Variants in CHST9 observed in about 807,000 individuals in gnomAD.
CHST9 encodes the protein carbohydrate sulfotransferase 9.
CHST9 carries 41 observed loss-of-function variants against 44.4 expected under a neutral mutation model. That is an observed-to-expected ratio of 0.92 (90% CI 0.72 to 1.20). CHST9 has a LOEUF of 1.20. Ranked by LOEUF, CHST9 falls within the 50% of genes most tolerant of loss-of-function variation. The pLI is 0.00. For synonymous variants in CHST9, 171 were observed against 178.4 expected (o/e 0.96, Z 0.33); for missense variants, 504 against 516.5 (o/e 0.98, Z 0.23).
At chr18:27,184,869 C>T (rs1051897698) in intron 1 of CHST9, among the ~76,000 whole-genome samples, 1 of 152,198 alleles carries the variant, frequency 6.6e-6, no homozygotes, top group African/African-American at 2.4e-5. Flanking sequence ...CCAGCGCCCC[C>T]TCAAAGTCAG....
In CHST9 at chr18:27,025,045, A is replaced by G. The variant is rs559627832; in HGVS notation, c.161-888T>C. Among the ~76,000 whole-genome samples the G allele has an allele frequency of 3.4e-5, 5 of 147,964 alleles. No individual in the cohort carries two copies. In the East Asian group the frequency reaches 9.7e-4, roughly 29 times the overall value. On this transcript the variant is annotated intron_variant, in intron 3 of 5. Coordinates refer to ENST00000618847, the MANE Select transcript of CHST9 (RefSeq NM_031422.6). ...TACATGGTTCCATTTCTTTCCTTTA[A>G]AACATTATATATATATATGTATATA...
intron 1 of CHST9, among the ~76,000 whole-genome samples, chr18:27,173,807 T>A (rs2058849423): frequency 6.6e-6 from 1 of 152,012 alleles, no homozygotes; most frequent in Admixed American, 6.6e-5. Context: ...TCATAGGATA[T>A]TTTTTCTAAT....
At chr18:27,155,999 T>C (rs1266955164) in intron 1 of CHST9, among the ~76,000 whole-genome samples, 1 of 151,974 alleles carries the variant, frequency 6.6e-6, no homozygotes, top group Non-Finnish European at 1.5e-5. Flanking sequence ...GAAAAGATCA[T>C]GAAGTAGGAA....
intron 2 of CHST9, among the ~76,000 whole-genome samples, chr18:27,068,872 G>C (rs2057810056): frequency 6.6e-6 from 1 of 152,188 alleles, no homozygotes; most frequent in African/African-American, 2.4e-5. Context: ...CGTGATGTAA[G>C]AATGGAATCA....
intron 1 of CHST9, among the ~76,000 whole-genome samples, chr18:27,164,518 G>C (rs1469997655): frequency 6.6e-6 from 1 of 152,040 alleles, no homozygotes; most frequent in African/African-American, 2.4e-5. Context: ...CAGACAGTTA[G>C]AAGTGAGAAA....
At chr18:26,922,237 C>T (rs906597087) in intron 5 of CHST9, among the ~76,000 whole-genome samples, 9 of 152,088 alleles carry the variant, frequency 5.9e-5, no homozygotes, top group Non-Finnish European at 1.3e-4. Context: ...CTCATGGTCT[C>T]CTCCTTTCTT....
At chr18:26,953,206 CAG>C (rs1436708064) in intron 4 of CHST9, among the ~76,000 whole-genome samples, 1 of 152,058 alleles carries the variant, frequency 6.6e-6, no homozygotes, top group African/African-American at 2.4e-5. Flanking sequence ...AAAATAAGTT[CAG>C]AGATAGGACC....
intron 2 of CHST9, among the ~76,000 whole-genome samples, chr18:27,053,139 A>AGAAGAG (rs2057591586): frequency 8.9e-6 from 1 of 112,136 alleles, no homozygotes; most frequent in African/African-American, 3.7e-5. Flanking sequence ...AGGAAGAAGA[A>AGAAGAG]GAAGAAGAAG....
intron 4 of CHST9, among the ~76,000 whole-genome samples, chr18:27,015,434 T>C (rs1457275207): frequency 6.6e-6 from 1 of 151,154 alleles, no homozygotes; most frequent in Non-Finnish European, 1.5e-5. Flanking sequence ...GCCTGGCCAG[T>C]GTAGGGCGTG....
intron 4 of CHST9, among the ~76,000 whole-genome samples, chr18:27,011,512 T>C (rs2057084750): frequency 6.6e-6 from 1 of 152,100 alleles, no homozygotes; most frequent in Non-Finnish European, 1.5e-5. Context: ...GTAAATCACT[T>C]GTTGAGGGGC....
intron 1 of CHST9, among the ~76,000 whole-genome samples, chr18:27,155,170 A>ATTTT (rs2058689730): frequency 6.6e-6 from 1 of 151,920 alleles, no homozygotes; most frequent in Non-Finnish European, 1.5e-5. Flanking sequence ...CTACCATAAA[A>ATTTT]GGCTGCTGCA....
chr18:26,991,454 A>G (rs1186069901), intron 4 of CHST9, among the ~76,000 whole-genome samples: 2 of 152,198 alleles, frequency 1.3e-5, no homozygotes, highest in Non-Finnish European at 2.9e-5. Context: ...TGCTTCTTAG[A>G]CTTTTAATGA....
intron 2 of CHST9, among the ~76,000 whole-genome samples, chr18:27,126,728 A>G (rs765039521): frequency 2.0e-5 from 3 of 152,092 alleles, no homozygotes; most frequent in Non-Finnish European, 2.9e-5. Context: ...GAAGAGCTTC[A>G]AGCAGGAGGA....
At chr18:27,097,572 AG>A (rs1367287905) in intron 2 of CHST9, among the ~76,000 whole-genome samples, 1 of 152,048 alleles carries the variant, frequency 6.6e-6, no homozygotes, top group Non-Finnish European at 1.5e-5. Flanking sequence ...TCAATATAAA[AG>A]TTCTTTAGTT....
intron 2 of CHST9, among the ~76,000 whole-genome samples, chr18:27,132,830 A>G (rs2058483339): frequency 6.6e-6 from 1 of 152,208 alleles, no homozygotes; most frequent in Admixed American, 6.5e-5. Context: ...AAGGGACCCC[A>G]ACATTTGCTG....
intron 2 of CHST9, among the ~76,000 whole-genome samples, chr18:27,068,010 T>C (rs1312492272): frequency 2.0e-5 from 3 of 152,138 alleles, no homozygotes; most frequent in Non-Finnish European, 4.4e-5. Flanking sequence ...TCCTCAACTT[T>C]CACTGTCTGC....
chr18:27,139,123 A>G (rs1425318568), intron 2 of CHST9, among the ~76,000 whole-genome samples: 2 of 152,162 alleles, frequency 1.3e-5, no homozygotes, highest in Non-Finnish European at 1.5e-5. Flanking sequence ...TTTGGATTCT[A>G]AAGTATTTTA....
At chr18:27,002,951 T>A (rs2056970922) in intron 4 of CHST9, among the ~76,000 whole-genome samples, 1 of 152,176 alleles carries the variant, frequency 6.6e-6, no homozygotes, top group African/African-American at 2.4e-5. Flanking sequence ...AAACTGAAAT[T>A]AAAATTAATT....
At position 26,921,149 on chromosome 18, in the gene CHST9, T is replaced by C. The variant is rs1193878728; in HGVS notation, c.241-3799A>G. On this transcript the variant is annotated intron_variant, in intron 5 of 5. Coordinates refer to ENST00000618847, the MANE Select transcript of CHST9 (RefSeq NM_031422.6). The stretch of plus-strand genomic sequence containing the variant: ...TGGGGGAGAAAGACATCAAATGTAG[T>C]GGACTTGAATATTTCAGTAAGAAGA... 5.3e-5 allele frequency among the ~76,000 whole-genome samples: 8 copies of C among 152,166 alleles called. No individual in the cohort carries two copies. The East Asian group carries it at 1.5e-3, about 29-fold the overall frequency.
Sources: allele counts gnomAD v4.1 joint callset (sites outside exome capture counted in the v4.1 genomes callset), GRCh38; gene constraint gnomAD v4.1.1; transcripts MANE v1.5; gene names NCBI Gene and HGNC (gene_info 2026-07-23, HGNC 2026-07-21).